CDH4: variants seen among roughly 807,000 people sequenced by gnomAD.
The protein encoded by CDH4 is cadherin-4.
CDH4 carries 33 observed loss-of-function variants against 86.0 expected under a neutral mutation model. The ratio of observed to expected loss-of-function variants is 0.38; its 90% CI spans 0.29 to 0.51. CDH4 has a LOEUF of 0.51. CDH4 is among the 20% of genes least tolerant of loss of function. The pLI is 0.86. For missense variants in CDH4, 1,114 were observed against 1,307.4 expected (o/e 0.85, Z 2.28); for synonymous variants, 555 against 549.4 (o/e 1.01, Z -0.14).
At chr20:61,416,685 C>A (rs1439624446) in intron 2 of CDH4, among the ~76,000 whole-genome samples, 2 of 152,194 alleles carry the variant, frequency 1.3e-5, no homozygotes, top group Admixed American at 1.3e-4. Context: ...CACTCACACC[C>A]CAGCTCTGCT....
chr20:61,316,507 C>T (rs540880026), intron 2 of CDH4, among the ~76,000 whole-genome samples: 16 of 152,248 alleles, frequency 1.1e-4, no homozygotes, highest in South Asian at 2.1e-4. Context: ...TCAGCTCCCT[C>T]TTATCAGGTT....
chr20:61,640,610 C>A (rs2086996370), intron 2 of CDH4, among the ~76,000 whole-genome samples: 1 of 152,150 alleles, frequency 6.6e-6, no homozygotes, highest in Non-Finnish European at 1.5e-5. Context: ...CCGGGTCACA[C>A]CCCTCGAGGA....
chr20:61,258,585 G>A (rs553949756), intron 2 of CDH4, among the ~76,000 whole-genome samples: 88 of 152,292 alleles, frequency 5.8e-4, no homozygotes, highest in African/African-American at 2.1e-3. Context: ...ATTTCAGGAT[G>A]TTCTTGGCCA....
At chr20:61,867,657 C>G (rs927511064) in intron 6 of CDH4, among the ~76,000 whole-genome samples, 1 of 152,160 alleles carries the variant, frequency 6.6e-6, no homozygotes, top group African/African-American at 2.4e-5. Flanking sequence ...GGCCCCTCCT[C>G]CTGTGCCCTG....
Position 61,771,823 on chromosome 20 carries a change from T to C in CDH4, c.397-1180T>C, listed in dbSNP as rs1309576420. On this transcript the variant is annotated intron_variant, in intron 3 of 15. Coordinates refer to ENST00000614565, the MANE Select transcript of CDH4 (RefSeq NM_001794.5). Reference sequence around the variant, plus strand: ...CACTGTCAGACATTCAGATTTGTGCTCTGGTATTTTTACTTGTTTAAAAAA... The same window carrying C: ...CACTGTCAGACATTCAGATTTGTGCCCTGGTATTTTTACTTGTTTAAAAAA... Among the ~76,000 whole-genome samples, 4 of 152,344 alleles carry C rather than the reference T, an allele frequency of 2.6e-5. No homozygotes were observed. In the East Asian group the frequency reaches 7.7e-4, roughly 29 times the overall value.
intron 13 of CDH4, among the ~76,000 whole-genome samples, chr20:61,932,445 CAT>C (rs1273945410): frequency 1.3e-5 from 2 of 152,152 alleles, no homozygotes; most frequent in African/African-American, 4.8e-5. Flanking sequence ...CATGGGCACA[CAT>C]GTACTATGGA....
At chr20:61,747,033 C>T (rs1234105700) in intron 3 of CDH4, among the ~76,000 whole-genome samples, 1 of 152,240 alleles carries the variant, frequency 6.6e-6, no homozygotes, top group Non-Finnish European at 1.5e-5. Context: ...TCACCCAGGC[C>T]TTCAGCTGTG....
chr20:61,549,558 C>T (rs188389232), intron 2 of CDH4, among the ~76,000 whole-genome samples: 270 of 152,328 alleles, frequency 1.8e-3, no homozygotes, highest in African/African-American at 4.9e-3. Flanking sequence ...AGTTTTCAGT[C>T]CAGATGCTCC....
intron 2 of CDH4, among the ~76,000 whole-genome samples, chr20:61,404,114 A>AGGTGCAGCTGAGCT (rs200766439): frequency 2.0e-5 from 3 of 152,108 alleles, no homozygotes; most frequent in East Asian, 3.9e-4. Context: ...GACACTGGGC[A>AGGTGCAGCTGAGCT]GGTGCAGCTG....
chr20:61,782,032 C>T (rs1048272873), intron 4 of CDH4, among the ~76,000 whole-genome samples: 1 of 152,152 alleles, frequency 6.6e-6, no homozygotes, highest in Non-Finnish European at 1.5e-5. Context: ...TGAAGCCGGG[C>T]ATGGTGGTTC....
intron 9 of CDH4, among the ~76,000 whole-genome samples, chr20:61,919,522 C>A (rs2054942866): frequency 6.6e-6 from 1 of 152,254 alleles, no homozygotes. Context: ...TGCCTGCCTG[C>A]AGGTGGTTCA....
chr20:61,781,370 A>G (rs77499736), intron 4 of CDH4, among the ~76,000 whole-genome samples: 1,693 of 152,308 alleles, frequency 0.011, 29 homozygotes, highest in African/African-American at 0.038. Flanking sequence ...GCTTTATAGT[A>G]TGTTCAAGGG....
At chr20:61,535,275 C>T (rs1325038200) in intron 2 of CDH4, among the ~76,000 whole-genome samples, 1 of 152,214 alleles carries the variant, frequency 6.6e-6, no homozygotes, top group Non-Finnish European at 1.5e-5. Flanking sequence ...TGGTTCCCAG[C>T]AGCCCTACAG....
intron 8 of CDH4, among the ~76,000 whole-genome samples, chr20:61,903,444 C>T (rs1055309708): frequency 6.8e-6 from 1 of 146,180 alleles, no homozygotes; most frequent in African/African-American, 2.6e-5. Context: ...ACTCACGAGG[C>T]TGAGGCAGAA....
At chr20:61,270,620 T>C (rs537205327) in intron 2 of CDH4, among the ~76,000 whole-genome samples, 2 of 152,334 alleles carry the variant, frequency 1.3e-5, no homozygotes, top group South Asian at 4.1e-4. Flanking sequence ...AGTTATGTGC[T>C]TGAAAGGTTA....
At chr20:61,765,800 T>C (rs1302702080) in intron 3 of CDH4, among the ~76,000 whole-genome samples, 4 of 152,016 alleles carry the variant, frequency 2.6e-5, no homozygotes, top group South Asian at 2.1e-4. Flanking sequence ...GCAAGGGGAC[T>C]GGCAGGGCTC....
chr20:61,614,771 G>A (rs537489541), intron 2 of CDH4, among the ~76,000 whole-genome samples: 42 of 152,120 alleles, frequency 2.8e-4, no homozygotes, highest in Admixed American at 1.2e-3. Flanking sequence ...AAAATTCAGT[G>A]AGGGGGTGAC....
intron 2 of CDH4, among the ~76,000 whole-genome samples, chr20:61,648,316 C>CT (rs2087086871): frequency 6.6e-6 from 1 of 152,304 alleles, no homozygotes; most frequent in African/African-American, 2.4e-5. Flanking sequence ...GCACCCGCAG[C>CT]TGGTGATTAT....
chr20:61,843,723 G>C (rs1015828915), intron 4 of CDH4, among the ~76,000 whole-genome samples: 1 of 151,240 alleles, frequency 6.6e-6, no homozygotes, highest in Non-Finnish European at 1.5e-5. Context: ...GTTCCATTTT[G>C]TTTTGGGGGT....
Sources: gnomAD v4.1 joint callset for allele counts (sites outside exome capture counted in the v4.1 genomes callset) on GRCh38, gnomAD v4.1.1 for gene constraint, MANE v1.5 for transcripts, NCBI Gene and HGNC (gene_info 2026-07-23, HGNC 2026-07-21) for gene names.